PDK1: variants seen among roughly 807,000 people sequenced by gnomAD.
The protein encoded by PDK1 is [Pyruvate dehydrogenase (acetyl-transferring)] kinase isozyme 1, mitochondrial.
A neutral mutation model predicts 54.2 loss-of-function variants in PDK1; 39 were observed. The ratio of observed to expected loss-of-function variants is 0.72; its 90% CI spans 0.56 to 0.94. PDK1 has a LOEUF of 0.94. PDK1 is among the 40% of genes least tolerant of loss of function. PDK1 has a pLI of 0.00. For synonymous variants in PDK1, 221 were observed against 207.1 expected (o/e 1.07, Z -0.58); for missense variants, 552 against 566.0 (o/e 0.98, Z 0.25).
Position 172,564,486 on chromosome 2 carries a change from CAG to C in PDK1, c.411-15_411-14del. On this transcript the variant is annotated splice_polypyrimidine_tract_variant and intron_variant, in intron 3 of 10. Coordinates refer to ENST00000282077, the MANE Select transcript of PDK1 (RefSeq NM_002610.5). Reference sequence around the variant, plus strand: ...TTGTCAAAATATTTGGCTGTTTTGACAGATGGGTTTGTTTAGCTTTACAGATA... The same window carrying C: ...TTGTCAAAATATTTGGCTGTTTTGACATGGGTTTGTTTAGCTTTACAGATA... The C allele has an allele frequency of 6.3e-7, 1 of 1,592,688 alleles. No homozygotes were observed. Among genetic ancestry groups the C allele is most frequent in the Non-Finnish European group, 8.6e-7 (1 of 1,163,956 alleles).
intron 8 of PDK1, among the ~76,000 whole-genome samples, chr2:172,571,143 T>G (rs1689230250): frequency 1.3e-5 from 2 of 152,174 alleles, no homozygotes; most frequent in African/African-American, 4.8e-5. Context: ...GGAGATAGTA[T>G]TTTATATATA....
At chr2:172,566,272 G>C (rs560584692) in intron 5 of PDK1, among the ~76,000 whole-genome samples, 1 of 151,992 alleles carries the variant, frequency 6.6e-6, no homozygotes, top group East Asian at 1.9e-4. Context: ...GACTTTCCCT[G>C]GGCCAGGCAC....
chr2:172,570,093 T>C (rs1293115968), intron 7 of PDK1, among the ~76,000 whole-genome samples: 1 of 152,248 alleles, frequency 6.6e-6, no homozygotes, highest in East Asian at 1.9e-4. Flanking sequence ...CACACACTCT[T>C]ACTTCCAAAT....
chr2:172,666,611 G>A, the PDK1 span, among the ~76,000 whole-genome samples: 2 of 152,120 alleles, frequency 1.3e-5, no homozygotes, highest in African/African-American at 4.8e-5. Context: ...GGAGTGGCAG[G>A]GTGACTAGTT....
intron 5 of PDK1, 74 bp from the exon 6 acceptor site, chr2:172,566,782 C>A: frequency 2.3e-6 from 2 of 861,940 alleles, no homozygotes; most frequent in Admixed American, 2.0e-5. Flanking sequence ...TTTGTCAATA[C>A]CATTGCCATC....
chr2:172,614,618 G>A, the PDK1 span, among the ~76,000 whole-genome samples: 1 of 152,158 alleles, frequency 6.6e-6, no homozygotes, highest in African/African-American at 2.4e-5. Context: ...TCTTTTCAGG[G>A]CCTTCTCTCA....
chr2:172,555,423 C>T (rs1400018369), upstream of PDK1: 3 of 152,176 alleles, frequency 2.0e-5, no homozygotes, highest in Non-Finnish European at 4.4e-5. Context: ...AGAGGTTAAA[C>T]AGCTCACTCA....
the PDK1 span, among the ~76,000 whole-genome samples, chr2:172,658,718 A>G: frequency 6.6e-6 from 1 of 152,152 alleles, no homozygotes; most frequent in Non-Finnish European, 1.5e-5. Flanking sequence ...CTCTGAGAGT[A>G]TCTGTCTTAT....
chr2:172,705,852 T>G, the PDK1 span, among the ~76,000 whole-genome samples: 1 of 152,226 alleles, frequency 6.6e-6, no homozygotes, highest in Non-Finnish European at 1.5e-5. Flanking sequence ...AAACTTGAGT[T>G]TCTAAATCTG....
At chr2:172,585,317 T>A (rs1242584954) in intron 8 of PDK1, among the ~76,000 whole-genome samples, 1 of 77,070 alleles carries the variant, frequency 1.3e-5, no homozygotes, top group Non-Finnish European at 2.5e-5. Flanking sequence ...GCATTTTTAA[T>A]TTTTTTTTTT....
chr2:172,573,505 G>GTATA (rs71403316), intron 8 of PDK1, among the ~76,000 whole-genome samples: 3 of 150,460 alleles, frequency 2.0e-5, no homozygotes, highest in African/African-American at 7.3e-5. Context: ...CTATGTGTGT[G>GTATA]TATATATATA....
At chr2:172,675,828 T>C in the PDK1 span, among the ~76,000 whole-genome samples, 3 of 152,164 alleles carry the variant, frequency 2.0e-5, no homozygotes, top group Admixed American at 2.0e-4. Context: ...CATCTAAAAC[T>C]TTCAGAATTA....
chr2:172,617,293 C>T, the PDK1 span, among the ~76,000 whole-genome samples: 683 of 151,504 alleles, frequency 4.5e-3, 9 homozygotes, highest in African/African-American at 0.016. Context: ...AAAATTAAAT[C>T]GATAAAATTA....
chr2:172,651,581 A>G, the PDK1 span, among the ~76,000 whole-genome samples: 1 of 152,200 alleles, frequency 6.6e-6, no homozygotes, highest in Non-Finnish European at 1.5e-5. Context: ...CAAGACTAAT[A>G]AAGAAGAAAA....
the PDK1 span, among the ~76,000 whole-genome samples, chr2:172,668,804 A>G: frequency 6.8e-6 from 1 of 147,460 alleles, no homozygotes; most frequent in Admixed American, 6.8e-5. Flanking sequence ...ATGTGTATAT[A>G]TATACATTAT....
the PDK1 span, among the ~76,000 whole-genome samples, chr2:172,633,535 A>C: frequency 3.3e-5 from 5 of 150,038 alleles, no homozygotes; most frequent in African/African-American, 1.2e-4. Context: ...GCATTCCTAC[A>C]TTTTTTGTAG....
At chr2:172,693,133 C>T in the PDK1 span, among the ~76,000 whole-genome samples, 1 of 152,246 alleles carries the variant, frequency 6.6e-6, no homozygotes, top group Non-Finnish European at 1.5e-5. Context: ...AAGTTCTGCT[C>T]TCACCTCCTG....
chr2:172,685,944 C>T, the PDK1 span, among the ~76,000 whole-genome samples: 2 of 152,152 alleles, frequency 1.3e-5, no homozygotes, highest in Non-Finnish European at 2.9e-5. Flanking sequence ...CAATTTTGTT[C>T]AACATACATC....
the PDK1 span, among the ~76,000 whole-genome samples, chr2:172,709,863 G>T: frequency 2.6e-5 from 4 of 151,984 alleles, no homozygotes; most frequent in Non-Finnish European, 4.4e-5. Context: ...ATGGTAGTAT[G>T]GTCTTCTTAT....
Sources: allele counts gnomAD v4.1 joint callset (sites outside exome capture counted in the v4.1 genomes callset), GRCh38; gene constraint gnomAD v4.1.1; transcripts MANE v1.5; gene names NCBI Gene and HGNC (gene_info 2026-07-23, HGNC 2026-07-21).